Variants in AIG1 observed in about 807,000 individuals in gnomAD.
AIG1 encodes the protein androgen-induced gene 1 protein.
In AIG1, 23 loss-of-function variants were observed where a neutral mutation model predicts 31.4. That is an observed-to-expected ratio of 0.73 (90% CI 0.53 to 1.04). The LOEUF is 1.04. Among genes scored for constraint, AIG1 ranks in the 50% least tolerant of loss-of-function variants. The pLI, the probability that AIG1 is intolerant of heterozygous loss-of-function variation, is 0.00. For missense variants in AIG1, 274 were observed against 295.0 expected (o/e 0.93, Z 0.52); for synonymous variants, 100 against 110.5 (o/e 0.90, Z 0.60).
chr6:143,267,479 A>G (rs1412900606), intron 3 of AIG1, among the ~76,000 whole-genome samples: 1 of 152,204 alleles, frequency 6.6e-6, no homozygotes, highest in Non-Finnish European at 1.5e-5. Flanking sequence ...AGCCCCAGTA[A>G]TCCAGGAACT....
intron 4 of AIG1, among the ~76,000 whole-genome samples, chr6:143,315,585 A>G (rs1358459134): frequency 6.6e-6 from 1 of 152,144 alleles, no homozygotes; most frequent in Admixed American, 6.6e-5. Context: ...ACATCTTTTT[A>G]ACAAATGGCA....
chr6:143,167,976 A>G (rs2128568632), intron 3 of AIG1, among the ~76,000 whole-genome samples: 1 of 152,276 alleles, frequency 6.6e-6, no homozygotes, highest in East Asian at 1.9e-4. Flanking sequence ...TGAATTCTGT[A>G]TCTGTGCAAC....
At position 143,288,305 on chromosome 6, in the gene AIG1, G is replaced by A. The variant is rs1225202776; in HGVS notation, c.515+4080G>A. Among the ~76,000 whole-genome samples the A allele has an allele frequency of 2.0e-5, 3 of 151,950 alleles. No homozygotes were observed. The highest frequency in any genetic ancestry group is 4.4e-5 in the Non-Finnish European group (3 of 67,996). Reference sequence around the variant, plus strand: ...CTCTCTCCTAAGGAGTCTTCTTCCAGCCCCTGGCTATTCTCCCTCCTTCAG... The same window carrying A: ...CTCTCTCCTAAGGAGTCTTCTTCCAACCCCTGGCTATTCTCCCTCCTTCAG... On this transcript the variant is annotated intron_variant, in intron 4 of 5. Transcript: ENST00000357847. This position sits in a 1 kb window ranked among gnomAD's most constrained non-coding sequence, Gnocchi z 4.4.
At chr6:143,106,307 C>G (rs1780800371) in intron 1 of AIG1, among the ~76,000 whole-genome samples, 3 of 152,208 alleles carry the variant, frequency 2.0e-5, no homozygotes, top group African/African-American at 7.2e-5. Flanking sequence ...AACAGGTTCT[C>G]CCTCACAGCC....
chr6:143,131,914 T>G (rs1429687105), intron 1 of AIG1, among the ~76,000 whole-genome samples: 6 of 152,214 alleles, frequency 3.9e-5, no homozygotes, highest in African/African-American at 1.4e-4. Context: ...AACTAATACA[T>G]TAGCTGATCC....
At chr6:143,251,295 G>A (rs532915821) in intron 3 of AIG1, among the ~76,000 whole-genome samples, 3 of 152,114 alleles carry the variant, frequency 2.0e-5, no homozygotes, top group Admixed American at 6.5e-5. Flanking sequence ...CAGGTGGTCC[G>A]CCTGCCTCAG....
In AIG1 at chr6:143,187,709, C is replaced by G. The variant is rs1789396972; in HGVS notation, c.399+22526C>G. The G allele has an allele frequency of 3.3e-6, 5 of 1,536,048 alleles. No homozygotes were observed. The East Asian group carries it at 1.2e-4, about 38-fold the overall frequency. Reference sequence around the variant, plus strand: ...AAGCAGGCTGCCTCTCCACAGAAAGCTTGCTCCAGCAATGACTAAAGGATT... The same window carrying G: ...AAGCAGGCTGCCTCTCCACAGAAAGGTTGCTCCAGCAATGACTAAAGGATT... On this transcript the variant is annotated intron_variant, in intron 3 of 5. Coordinates refer to ENST00000357847, the MANE Select transcript of AIG1 (RefSeq NM_016108.4).
intron 1 of AIG1, among the ~76,000 whole-genome samples, chr6:143,080,810 CT>C: frequency 6.6e-6 from 1 of 152,184 alleles, no homozygotes. Flanking sequence ...TTATCCAAGA[CT>C]CCACTCCAGC....
intron 2 of AIG1, among the ~76,000 whole-genome samples, chr6:143,144,848 A>G (rs1784577129): frequency 6.6e-6 from 1 of 152,098 alleles, no homozygotes; most frequent in Admixed American, 6.5e-5. Flanking sequence ...GAGACCAGGG[A>G]AGTTGTGTGT....
intron 1 of AIG1, among the ~76,000 whole-genome samples, chr6:143,082,744 G>A (rs28846218): frequency 0.033 from 5,083 of 152,274 alleles, 132 homozygotes; most frequent in African/African-American, 0.074. Flanking sequence ...CCTTACTCAG[G>A]TATGCCACGG....
At chr6:143,157,920 G>T (rs903335405) in intron 2 of AIG1, among the ~76,000 whole-genome samples, 1 of 151,980 alleles carries the variant, frequency 6.6e-6, no homozygotes, top group South Asian at 2.1e-4. Flanking sequence ...TTCATTTCTT[G>T]TGATTATGCA....
chr6:143,243,413 A>G (rs1267155368), intron 3 of AIG1, among the ~76,000 whole-genome samples: 1 of 152,262 alleles, frequency 6.6e-6, no homozygotes, highest in African/African-American at 2.4e-5. Context: ...GGAAGCCTGT[A>G]CATTCTTGGA....
intron 4 of AIG1, among the ~76,000 whole-genome samples, chr6:143,302,673 C>T (rs530307341): frequency 7.9e-5 from 12 of 152,134 alleles, no homozygotes; most frequent in Middle Eastern, 3.4e-3. Context: ...TGAATAGTGC[C>T]GCAATAAACA....
At chr6:143,100,606 A>G (rs1780173599) in intron 1 of AIG1, among the ~76,000 whole-genome samples, 1 of 152,164 alleles carries the variant, frequency 6.6e-6, no homozygotes, top group Admixed American at 6.5e-5. Flanking sequence ...AGCAAGCAAT[A>G]TATACATTGC....
intron 3 of AIG1, among the ~76,000 whole-genome samples, chr6:143,274,161 G>A (rs1796729693): frequency 1.3e-5 from 2 of 152,174 alleles, no homozygotes; most frequent in African/African-American, 4.8e-5. Flanking sequence ...CCCAGGCACA[G>A]CCATGACACA....
chr6:143,324,402 C>T (rs1776445324), intron 4 of AIG1, among the ~76,000 whole-genome samples: 2 of 152,118 alleles, frequency 1.3e-5, no homozygotes, highest in Non-Finnish European at 1.5e-5. Context: ...CTTTTATAGT[C>T]AGTGGGAAAA....
At chr6:143,262,397 G>A (rs1176113898) in intron 3 of AIG1, among the ~76,000 whole-genome samples, 3 of 152,156 alleles carry the variant, frequency 2.0e-5, no homozygotes, top group Non-Finnish European at 1.5e-5. Flanking sequence ...ATACAGCTCT[G>A]CCTTACACTG....
intron 1 of AIG1, among the ~76,000 whole-genome samples, chr6:143,113,564 C>CTGT (rs1159216759): frequency 8.6e-5 from 13 of 150,394 alleles, no homozygotes; most frequent in African/African-American, 2.7e-4. Context: ...GATCACGCCA[C>CTGT]TGCACTCCAG....
intron 2 of AIG1, among the ~76,000 whole-genome samples, chr6:143,152,446 A>C (rs999248619): frequency 6.6e-6 from 1 of 152,176 alleles, no homozygotes; most frequent in Non-Finnish European, 1.5e-5. Flanking sequence ...AAAAGGCCCA[A>C]ATAGTTTTTT....
Sources: gnomAD v4.1 joint callset for allele counts (sites outside exome capture counted in the v4.1 genomes callset) on GRCh38, gnomAD v4.1.1 for gene constraint, Gnocchi (gnomAD v3.1) non-coding constraint, MANE v1.5 for transcripts, NCBI Gene and HGNC (gene_info 2026-07-23, HGNC 2026-07-21) for gene names.